The following RBMS1 variants were observed in gnomAD, a reference collection of about 807,000 sequenced individuals.
The protein encoded by RBMS1 is RNA-binding motif, single-stranded-interacting protein 1.
RBMS1 carries 17 observed loss-of-function variants against 62.3 expected under a neutral mutation model. That is an observed-to-expected ratio of 0.27 (90% CI 0.19 to 0.41). The LOEUF is 0.41. Ranked by LOEUF, RBMS1 falls within the 10% of genes least tolerant of loss-of-function variation. RBMS1 has a pLI of 1.00. For synonymous variants in RBMS1, 172 were observed against 170.0 expected, an observed-to-expected ratio of 1.01 and a Z score of -0.09; for missense variants, 334 against 504.5, an observed-to-expected ratio of 0.66 and a Z score of 3.24.
chr2:160,398,111 C>T (rs1313160063), intron 1 of RBMS1, among the ~76,000 whole-genome samples: 2 of 152,158 alleles, frequency 1.3e-5, no homozygotes, highest in Admixed American at 6.5e-5. Context: ...CCTGGGATGG[C>T]AAGTGGGAAG....
chr2:160,391,028 A>G (rs1559491854), intron 1 of RBMS1, among the ~76,000 whole-genome samples: 1 of 151,918 alleles, frequency 6.6e-6, no homozygotes, highest in Non-Finnish European at 1.5e-5. Flanking sequence ...CAACGTGCCC[A>G]GTTGATGAAT....
chr2:160,440,086 G>A (rs1336876936), intron 1 of RBMS1, among the ~76,000 whole-genome samples: 1 of 122,194 alleles, frequency 8.2e-6, no homozygotes, highest in African/African-American at 3.0e-5. Flanking sequence ...GGAGAGGGGA[G>A]AGGGGAGAGG....
intron 3 of RBMS1, among the ~76,000 whole-genome samples, chr2:160,315,075 A>C (rs1314814826): frequency 3.9e-5 from 6 of 152,178 alleles, no homozygotes; most frequent in Non-Finnish European, 8.8e-5. Flanking sequence ...CTCAATTTTG[A>C]TGTTATTGTA....
chr2:160,407,803 G>A (rs972771558), intron 1 of RBMS1: 24 of 981,232 alleles, frequency 2.4e-5, no homozygotes, highest in Middle Eastern at 5.2e-4. Flanking sequence ...GCCATGGACG[G>A]GAGTTCGCGC....
rs960445539 is a variant in RBMS1, at chr2:160,432,132, CATTAT to C, written c.75+61152_75+61156del. On this transcript the variant is annotated intron_variant, in intron 1 of 13. Coordinates refer to ENST00000348849, the MANE Select transcript of RBMS1 (RefSeq NM_016836.4). ...TCTACATATAAACTTGCATATGTTA[CATTAT>C]ATTATATGTACTTCTGAAGATACAA... Among the ~76,000 whole-genome samples the C allele has an allele frequency of 7.2e-5, 11 of 152,168 alleles. No homozygotes were observed. The East Asian group carries it at 1.2e-3, about 16-fold the overall frequency.
At chr2:160,300,501 T>C (rs1173463954) in intron 6 of RBMS1, 150 bp downstream of exon 6, 2 of 1,132,940 alleles carry the variant, frequency 1.8e-6, no homozygotes, top group Non-Finnish European at 2.3e-6. Flanking sequence ...TAGGGAGAGG[T>C]GAATTTTTAA....
At chr2:160,350,915 T>C (rs1692458294) in intron 2 of RBMS1, among the ~76,000 whole-genome samples, 1 of 152,126 alleles carries the variant, frequency 6.6e-6, no homozygotes, top group Non-Finnish European at 1.5e-5. Flanking sequence ...TCTAGATCCT[T>C]GAGGAATCGC....
intron 4 of RBMS1, among the ~76,000 whole-genome samples, chr2:160,309,893 T>C (rs1689753940): frequency 6.6e-6 from 1 of 152,204 alleles, no homozygotes; most frequent in Non-Finnish European, 1.5e-5. Context: ...AGCTTGCTAC[T>C]TGGAGCAGAC....
At chr2:160,395,579 G>A (rs1695095080) in intron 1 of RBMS1, among the ~76,000 whole-genome samples, 2 of 145,612 alleles carry the variant, frequency 1.4e-5, no homozygotes, top group African/African-American at 5.2e-5. Flanking sequence ...AGCTGAGATC[G>A]CGCCACTGCA....
At chr2:160,384,129 G>A (rs187321829) in intron 1 of RBMS1, among the ~76,000 whole-genome samples, 1 of 152,168 alleles carries the variant, frequency 6.6e-6, no homozygotes, top group Non-Finnish European at 1.5e-5. Flanking sequence ...CCTGGGAGGC[G>A]GAGCTTGCAG....
chr2:160,282,172 C>T (rs751816748), intron 9 of RBMS1: 108 of 1,197,886 alleles, frequency 9.0e-5, no homozygotes, highest in Non-Finnish European at 1.2e-4. Flanking sequence ...AACCCTCCTG[C>T]ATTTTATCCC....
chr2:160,328,382 A>C (rs1357648552), intron 2 of RBMS1, among the ~76,000 whole-genome samples: 3 of 151,146 alleles, frequency 2.0e-5, no homozygotes, highest in Non-Finnish European at 4.4e-5. Context: ...AGAGAGACAC[A>C]ACTTTTTTGT....
intron 1 of RBMS1, among the ~76,000 whole-genome samples, chr2:160,481,584 C>T (rs1369436943): frequency 6.6e-6 from 1 of 151,976 alleles, no homozygotes; most frequent in East Asian, 1.9e-4. Flanking sequence ...TATTTTAAAA[C>T]CTACAAACCA....
intron 3 of RBMS1, among the ~76,000 whole-genome samples, chr2:160,313,811 C>T (rs1050071043): frequency 6.6e-6 from 1 of 152,104 alleles, no homozygotes; most frequent in Non-Finnish European, 1.5e-5. Flanking sequence ...TAAAATACAG[C>T]TCATCACACC....
chr2:160,405,257 AT>A (rs71003495), intron 1 of RBMS1, among the ~76,000 whole-genome samples: 20,032 of 149,078 alleles, frequency 0.13, 1,461 homozygotes, highest in East Asian at 0.25. Flanking sequence ...CTTACATTCC[AT>A]TTTTTTTTTT....
chr2:160,332,908 A>G (rs563066876), intron 2 of RBMS1, among the ~76,000 whole-genome samples: 1 of 150,724 alleles, frequency 6.6e-6, no homozygotes, highest in East Asian at 1.9e-4. Flanking sequence ...AACATACTTT[A>G]TATGTGTATA....
At chr2:160,448,687 C>T (rs1353067226) in intron 1 of RBMS1, among the ~76,000 whole-genome samples, 1 of 152,158 alleles carries the variant, frequency 6.6e-6, no homozygotes, top group Non-Finnish European at 1.5e-5. Flanking sequence ...CCCAAAGTGC[C>T]GAGATTGCAG....
intron 2 of RBMS1, among the ~76,000 whole-genome samples, chr2:160,338,749 A>C (rs1034749141): frequency 7.2e-5 from 11 of 152,242 alleles, no homozygotes; most frequent in Non-Finnish European, 1.3e-4. Flanking sequence ...TAAAAGACTT[A>C]AAAGTTCAAA....
chr2:160,471,716 T>TATATATATAAAA (rs371634389), intron 1 of RBMS1, among the ~76,000 whole-genome samples: 1 of 76,248 alleles, frequency 1.3e-5, no homozygotes, highest in East Asian at 2.9e-4. Flanking sequence ...TATATATATA[T>TATATATATAAAA]AACCTTTCAT....
Sources: allele counts gnomAD v4.1 joint callset (sites outside exome capture counted in the v4.1 genomes callset), GRCh38; gene constraint gnomAD v4.1.1; transcripts MANE v1.5; gene names NCBI Gene and HGNC (gene_info 2026-07-23, HGNC 2026-07-21).